PCDH15: variants seen among roughly 807,000 people sequenced by gnomAD.
PCDH15 encodes protocadherin-15.
PCDH15 carries 129 observed loss-of-function variants against 178.5 expected under a neutral mutation model. The observed-to-expected ratio is 0.72, with a 90% CI of 0.63 to 0.84. PCDH15 has a LOEUF of 0.84. PCDH15 is among the 40% of genes least tolerant of loss of function. The pLI is 0.00. For synonymous variants in PCDH15, 800 were observed against 732.0 expected, an observed-to-expected ratio of 1.09 and a Z score of -1.50; for missense variants, 2,230 against 2,099.9, an observed-to-expected ratio of 1.06 and a Z score of -1.21.
chr10:54,212,908 C>T (rs2051597381), intron 10 of PCDH15, among the ~76,000 whole-genome samples: 1 of 152,090 alleles, frequency 6.6e-6, no homozygotes, highest in African/African-American at 2.4e-5. Context: ...CTTACCTTAT[C>T]CGAACTTTAG....
At chr10:54,474,674 C>T (rs142934564) in intron 3 of PCDH15, among the ~76,000 whole-genome samples, 1 of 151,824 alleles carries the variant, frequency 6.6e-6, no homozygotes, top group African/African-American at 2.4e-5. Context: ...TTTTTATATG[C>T]CTTTGAATTA....
intron 13 of PCDH15, among the ~76,000 whole-genome samples, chr10:54,178,042 G>C (rs75115536): frequency 6.6e-6 from 1 of 152,006 alleles, no homozygotes; most frequent in Non-Finnish European, 1.5e-5. Context: ...GTATATATAC[G>C]TATTTGAAGA....
Position 53,807,133 on chromosome 10 carries a change from G to A in PCDH15, c.4672-3C>T. The A allele has an allele frequency of 1.9e-6, 3 of 1,575,414 alleles. No homozygotes were observed. Among genetic ancestry groups the A allele is most frequent in the Middle Eastern group, 1.8e-4 (1 of 5,690 alleles). On this transcript the variant is annotated splice_polypyrimidine_tract_variant and splice_region_variant and intron_variant, in intron 37 of 37. Coordinates refer to ENST00000644397, the MANE Select transcript of PCDH15 (RefSeq NM_001384140.1). ...TTGATCATTCTTTTTCTTGCCCACT[G>A]ATAAAATAAACAAAAATATGTGAGT...
chr10:55,449,777 G>T (rs959194817), intron 2 of PCDH15, among the ~76,000 whole-genome samples: 3 of 152,000 alleles, frequency 2.0e-5, no homozygotes, highest in African/African-American at 7.2e-5. Flanking sequence ...TTAAGAAAAG[G>T]TGAATACGAG....
At position 54,232,275 on chromosome 10, in the gene PCDH15, C is replaced by T. The variant is rs184748169; in HGVS notation, c.985+4548G>A. Among the ~76,000 whole-genome samples the T allele has an allele frequency of 3.2e-4, 48 of 152,252 alleles. No homozygotes were observed. In the East Asian group the frequency reaches 8.7e-3, roughly 28 times the overall value. The stretch of plus-strand genomic sequence containing the variant: ...GTGTGTAGTACCACCCCTTCTCTCT[C>T]CTGCTCTGGCCACGTAAGATGCGCC... On this transcript the variant is annotated intron_variant, in intron 9 of 37. Transcript: ENST00000644397.
At chr10:54,889,338 T>G (rs1954418428) in intron 3 of PCDH15, among the ~76,000 whole-genome samples, 1 of 151,724 alleles carries the variant, frequency 6.6e-6, no homozygotes, top group Admixed American at 6.6e-5. Flanking sequence ...GAGTAAGTAA[T>G]TAGCACATTC....
intron 21 of PCDH15, among the ~76,000 whole-genome samples, chr10:53,966,982 C>T (rs2089100505): frequency 6.6e-6 from 1 of 152,026 alleles, no homozygotes; most frequent in African/African-American, 2.4e-5. Context: ...TAGCTCACTG[C>T]AGCTCACACA....
At chr10:54,378,396 T>G (rs1326847778) in intron 4 of PCDH15, among the ~76,000 whole-genome samples, 1 of 152,098 alleles carries the variant, frequency 6.6e-6, no homozygotes, top group Non-Finnish European at 1.5e-5. Context: ...AGCAGGCTCC[T>G]GTGAGTGCAC....
intron 2 of PCDH15, among the ~76,000 whole-genome samples, chr10:54,620,381 T>TA (rs989948251): frequency 3.9e-5 from 6 of 152,030 alleles, no homozygotes; most frequent in African/African-American, 1.2e-4. Flanking sequence ...GAATTTGAGA[T>TA]AAAAAAGATT....
intron 1 of PCDH15, among the ~76,000 whole-genome samples, chr10:54,724,116 T>C (rs138165043): frequency 1.6e-4 from 24 of 151,890 alleles, no homozygotes; most frequent in African/African-American, 4.8e-4. Context: ...CTACTCATAA[T>C]AGGAAAGTAA....
Position 54,647,596 on chromosome 10 carries a change from A to G in PCDH15, c.91+16576T>C, listed in dbSNP as rs191549292. On this transcript the variant is annotated intron_variant, in intron 2 of 37. Transcript: ENST00000644397. ...CCTGAGCCATCTTTATGGCTGTTAG[A>G]TGTAGGATTTGTGTGAAATTAAGCA... Among the ~76,000 whole-genome samples the G allele has an allele frequency of 4.9e-3, 747 of 152,160 alleles. 23 individuals are homozygous for G. Among genetic ancestry groups the G allele is most frequent in the East Asian group, 3.3e-3 (17 of 5,170 alleles).
At chr10:54,735,453 T>C (rs1943974055) in intron 1 of PCDH15, among the ~76,000 whole-genome samples, 1 of 151,560 alleles carries the variant, frequency 6.6e-6, no homozygotes, top group Non-Finnish European at 1.5e-5. Context: ...TGGAAGTCAG[T>C]GTGGCGATTC....
chr10:53,969,681 A>G, intron 21 of PCDH15, among the ~76,000 whole-genome samples: 1 of 152,256 alleles, frequency 6.6e-6, no homozygotes. Flanking sequence ...TGTACAAGTC[A>G]GAAGAGAGCA....
At chr10:53,898,078 T>TTAA (rs879405033) in intron 26 of PCDH15, among the ~76,000 whole-genome samples, 1 of 149,240 alleles carries the variant, frequency 6.7e-6, no homozygotes, top group Non-Finnish European at 1.5e-5. Flanking sequence ...GCCAATCTCC[T>TTAA]GCCTCAGCCT....
chr10:53,837,955 ATTAT>A (rs67884582), intron 29 of PCDH15, among the ~76,000 whole-genome samples: 67,762 of 146,620 alleles, frequency 0.46, 16,143 homozygotes, highest in East Asian at 0.71. Flanking sequence ...ATAAACATAT[ATTAT>A]TTATTTATTT....
intron 2 of PCDH15, among the ~76,000 whole-genome samples, chr10:55,408,420 G>A (rs1250302027): frequency 1.3e-5 from 2 of 151,926 alleles, no homozygotes; most frequent in South Asian, 2.1e-4. Context: ...TCCTGACCAC[G>A]TGATCCTCCT....
chr10:54,949,488 C>T (rs1046826065), intron 2 of PCDH15, among the ~76,000 whole-genome samples: 97 of 151,918 alleles, frequency 6.4e-4, no homozygotes, highest in Admixed American at 6.4e-3. Flanking sequence ...CTGACATGCC[C>T]TGGAGACATT....
intron 3 of PCDH15, among the ~76,000 whole-genome samples, chr10:54,427,734 C>T (rs1956465137): frequency 6.6e-6 from 1 of 152,056 alleles, no homozygotes; most frequent in South Asian, 2.1e-4. Flanking sequence ...TTTAGTTTCA[C>T]CAAAAATTTC....
chr10:54,733,482 G>C (rs1943677080), intron 1 of PCDH15, among the ~76,000 whole-genome samples: 1 of 151,296 alleles, frequency 6.6e-6, no homozygotes, highest in Non-Finnish European at 1.5e-5. Context: ...TAAGTGATGG[G>C]TATACATATT....
Sources: allele counts gnomAD v4.1 joint callset (sites outside exome capture counted in the v4.1 genomes callset), GRCh38; gene constraint gnomAD v4.1.1; transcripts MANE v1.5; gene names NCBI Gene and HGNC (gene_info 2026-07-23, HGNC 2026-07-21).